The following FARP1 variants were observed in gnomAD, a reference collection of about 807,000 sequenced individuals.
FARP1 encodes FERM, ARH/RhoGEF and pleckstrin domain protein 1.
A neutral mutation model predicts 128.8 loss-of-function variants in FARP1; 52 were observed. The ratio of observed to expected loss-of-function variants is 0.40; its 90% CI spans 0.32 to 0.51. The LOEUF (loss-of-function observed/expected upper bound fraction) is 0.51. FARP1 is among the 20% of genes least tolerant of loss of function. FARP1 has a pLI of 0.45. For synonymous variants in FARP1, 580 were observed against 551.8 expected (o/e 1.05, Z -0.72); for missense variants, 1,333 against 1,367.9 (o/e 0.97, Z 0.40).
chr13:98,265,555 G>A (rs552892056), intron 2 of FARP1, among the ~76,000 whole-genome samples: 3 of 151,500 alleles, frequency 2.0e-5, no homozygotes, highest in African/African-American at 7.3e-5. Flanking sequence ...TCCTGACCTC[G>A]TGATCCGCCC....
At chr13:98,246,937 G>A (rs965835203) in intron 2 of FARP1, among the ~76,000 whole-genome samples, 19 of 152,200 alleles carry the variant, frequency 1.2e-4, no homozygotes, top group Admixed American at 1.1e-3. Flanking sequence ...GAAGGCAGCT[G>A]TTCCTTGGCG....
intron 17 of FARP1, among the ~76,000 whole-genome samples, chr13:98,428,946 G>T (rs545808004): frequency 2.0e-5 from 3 of 152,216 alleles, no homozygotes; most frequent in African/African-American, 7.2e-5. Flanking sequence ...ATGCAAGAGC[G>T]TGTATAACTG....
intron 2 of FARP1, among the ~76,000 whole-genome samples, chr13:98,302,338 C>A (rs376092153): frequency 6.6e-5 from 10 of 152,334 alleles, no homozygotes; most frequent in African/African-American, 2.2e-4. Context: ...AGCTCACATT[C>A]ATTCCTCCAT....
intron 2 of FARP1, among the ~76,000 whole-genome samples, chr13:98,237,438 C>T (rs1882488389): frequency 1.3e-5 from 2 of 152,198 alleles, no homozygotes; most frequent in South Asian, 4.1e-4. Flanking sequence ...ATGAAATTAA[C>T]TGTAGTAACA....
chr13:98,313,313 A>C (rs1409560408), intron 2 of FARP1, among the ~76,000 whole-genome samples: 9 of 139,368 alleles, frequency 6.5e-5, no homozygotes, highest in South Asian at 2.4e-4. Flanking sequence ...CCTTCCCCCA[A>C]ACACACACAC....
intron 1 of FARP1, among the ~76,000 whole-genome samples, chr13:98,143,729 C>T (rs1404781280): frequency 6.6e-6 from 1 of 151,650 alleles, no homozygotes; most frequent in African/African-American, 2.4e-5. Context: ...GGGCTGCCCC[C>T]TGCGCCCCTC....
intron 2 of FARP1, among the ~76,000 whole-genome samples, chr13:98,224,608 G>C (rs1881645209): frequency 6.6e-6 from 1 of 151,360 alleles, no homozygotes; most frequent in African/African-American, 2.4e-5. Context: ...GGAGGGGCAG[G>C]TGAAACAGAG....
intron 2 of FARP1, chr13:98,245,283 A>G (rs1882995698): frequency 1.0e-6 from 1 of 985,326 alleles, no homozygotes; most frequent in Non-Finnish European, 1.2e-6. Context: ...TAGAAAGGCG[A>G]ATAAAGTCAG....
chr13:98,411,858 A>ATTGATCT, intron 15 of FARP1, 43 bp from the exon 16 acceptor site: 1 of 1,604,266 alleles, frequency 6.2e-7, no homozygotes, highest in Non-Finnish European at 8.5e-7. Context: ...GACACTCGTC[A>ATTGATCT]TTGATCTTTC....
intron 1 of FARP1, among the ~76,000 whole-genome samples, chr13:98,160,293 G>T (rs527552287): frequency 9.2e-5 from 14 of 152,302 alleles, no homozygotes; most frequent in Middle Eastern, 3.4e-3. Context: ...GGTGTGTGCT[G>T]TAGGCGTGAT....
Position 98,331,393 on chromosome 13 carries a change from G to A in FARP1, c.172-12369G>A, listed in dbSNP as rs9584800. Reference sequence around the variant, plus strand: ...TTTCTTAGTCGTTTCCTCATTTGTGGATCATAGAGACCCCATTTCCCACCT... The same window carrying A: ...TTTCTTAGTCGTTTCCTCATTTGTGAATCATAGAGACCCCATTTCCCACCT... On this transcript the variant is annotated intron_variant, in intron 2 of 26. Coordinates refer to ENST00000319562, the MANE Select transcript of FARP1 (RefSeq NM_005766.4). Among the ~76,000 whole-genome samples, 1,442 of 152,224 alleles carry A rather than the reference G, an allele frequency of 9.5e-3. 25 individuals carry two copies. The highest frequency in any genetic ancestry group is 0.033 in the African/African-American group (1,361 of 41,534).
chr13:98,195,383 G>T (rs1453351439), intron 1 of FARP1, among the ~76,000 whole-genome samples: 1 of 152,120 alleles, frequency 6.6e-6, no homozygotes, highest in Admixed American at 6.5e-5. Flanking sequence ...CGGGCTGTTT[G>T]TTTGTTTGTT....
intron 9 of FARP1, among the ~76,000 whole-genome samples, chr13:98,389,126 T>C (rs1374906889): frequency 1.3e-5 from 2 of 152,244 alleles, no homozygotes; most frequent in Admixed American, 6.5e-5. Flanking sequence ...ATTAGGCTTA[T>C]AGTGTAGCTA....
At chr13:98,328,813 G>A (rs1311237717) in intron 2 of FARP1, 1 of 152,248 alleles carries the variant, frequency 6.6e-6, no homozygotes, top group African/African-American at 2.4e-5. Flanking sequence ...GCTGGGTAAA[G>A]GGAGAAGTTA....
intron 6 of FARP1, among the ~76,000 whole-genome samples, chr13:98,378,381 C>T (rs1353448479): frequency 6.6e-6 from 1 of 152,146 alleles, no homozygotes; most frequent in Non-Finnish European, 1.5e-5. Flanking sequence ...TGGAGCTGGA[C>T]CCTAGATATT....
chr13:98,283,106 A>G (rs897120528), intron 2 of FARP1, among the ~76,000 whole-genome samples: 6 of 152,152 alleles, frequency 3.9e-5, no homozygotes, highest in African/African-American at 1.4e-4. Context: ...CACTTGAGCG[A>G]ATTTGTCTAC....
chr13:98,404,019 T>TCACCACCACCATCACCAC (rs1890881841), intron 13 of FARP1: 1 of 135,356 alleles, frequency 7.4e-6, no homozygotes. Context: ...ACCACCACCA[T>TCACCACCACCATCACCAC]CACCACCACC....
At chr13:98,220,070 CAA>C (rs1881327009) in intron 2 of FARP1, among the ~76,000 whole-genome samples, 3 of 151,362 alleles carry the variant, frequency 2.0e-5, no homozygotes, top group African/African-American at 7.3e-5. Context: ...TTTCTCCCCG[CAA>C]AGAGGTGAAA....
At chr13:98,326,573 C>G (rs370113973) in intron 2 of FARP1, among the ~76,000 whole-genome samples, 2 of 152,180 alleles carry the variant, frequency 1.3e-5, no homozygotes, top group East Asian at 3.8e-4. Context: ...TCTCCTGATT[C>G]ACTACAATTG....
Sources: allele counts gnomAD v4.1 joint callset (sites outside exome capture counted in the v4.1 genomes callset), GRCh38; gene constraint gnomAD v4.1.1; transcripts MANE v1.5; gene names NCBI Gene and HGNC (gene_info 2026-07-23, HGNC 2026-07-21).